Variants in C11orf58 observed in about 807,000 individuals in gnomAD.
C11orf58 encodes small acidic protein.
C11orf58 carries 5 observed loss-of-function variants against 22.7 expected under a neutral mutation model. That is an observed-to-expected ratio of 0.22 (90% CI 0.12 to 0.46). The LOEUF (loss-of-function observed/expected upper bound fraction) is 0.46, where lower values mean the gene tolerates loss of function less well. Among genes scored for constraint, C11orf58 ranks in the 20% least tolerant of loss-of-function variants. The probability of loss-of-function intolerance (pLI) is 0.99; values close to 1 mark genes in which losing one functional copy is unlikely to be tolerated. For synonymous variants in C11orf58, 71 were observed against 70.7 expected (o/e 1.00, Z -0.02); for missense variants, 151 against 223.3 (o/e 0.68, Z 2.06).
rs1753231514 is a variant in C11orf58, at chr11:16,752,779, A to G, written c.209-6A>G. 2 of 1,585,012 alleles carry G rather than the reference A, an allele frequency of 1.3e-6. No homozygotes were observed. The highest frequency in any genetic ancestry group is 1.7e-5 in the Admixed American group (1 of 58,714). ...GAAACATAACTAAAGTATCCTGGAC[A>G]TGCAGGGGAAGAAGACAAGAAAATT... is the stretch of plus-strand genomic sequence containing the variant. On this transcript the variant is annotated splice_region_variant and splice_polypyrimidine_tract_variant and intron_variant, in intron 3 of 4. Transcript: ENST00000228136.
intron 1 of C11orf58, among the ~76,000 whole-genome samples, chr11:16,739,752 G>A (rs1007651661): frequency 1.3e-5 from 2 of 152,166 alleles, no homozygotes; most frequent in South Asian, 2.1e-4. Context: ...GCGCGGAGAG[G>A]TCATCTTTAA....
At position 16,756,400 on chromosome 11, in the gene C11orf58, G is replaced by C. The variant is rs181770449; in HGVS notation, c.*1296G>C. ...TTCTCCTGCCTCAGCCTCCCAAGTA[G>C]TTGGGACTACAGTCATGTGCCACTA... On this transcript the variant is annotated 3_prime_UTR_variant, in exon 5 of 5. Transcript: ENST00000228136. The C allele has an allele frequency of 6.6e-6, 1 of 150,848 alleles. No individual in the cohort carries two copies. The highest frequency in any genetic ancestry group is 2.4e-5 in the African/African-American group (1 of 40,932). 9.3% of individuals were successfully genotyped at this position (150,848 alleles called of 1,614,324 possible).
intron 4 of C11orf58, chr11:16,754,035 AG>A (rs1384952535): frequency 1.7e-5 from 7 of 419,762 alleles, no homozygotes; most frequent in African/African-American, 1.4e-4. Flanking sequence ...CATGCTCACA[AG>A]TTAAGTAAAA....
intron 3 of C11orf58, chr11:16,751,552 CAG>C (rs972091761): frequency 1.3e-5 from 2 of 151,810 alleles, no homozygotes; most frequent in African/African-American, 2.4e-5. Context: ...TCTGTCACCT[CAG>C]GGGAGAACAA....
intron 2 of C11orf58, 166 bp from the exon 3 acceptor site, chr11:16,747,931 T>C: frequency 1.7e-6 from 1 of 582,306 alleles, no homozygotes; most frequent in Admixed American, 3.1e-5. Flanking sequence ...CCCTTCCCCA[T>C]TCCTACCCTT....
chr11:16,753,950 T>C (rs1848553494), intron 4 of C11orf58: 4 of 559,032 alleles, frequency 7.2e-6, no homozygotes, highest in Non-Finnish European at 1.3e-5. Context: ...TCTTTCCGCC[T>C]TCCAAAGTGC....
chr11:16,752,586 A>T (rs1848542070), intron 3 of C11orf58, 199 bp from the exon 4 acceptor site: 3 of 358,770 alleles, frequency 8.4e-6, no homozygotes, highest in African/African-American at 6.3e-5. Flanking sequence ...AGTGCTTAGT[A>T]ATAAATATTT....
At chr11:16,741,859 T>C (rs1004297248) in intron 1 of C11orf58, among the ~76,000 whole-genome samples, 2 of 152,224 alleles carry the variant, frequency 1.3e-5, no homozygotes, top group Non-Finnish European at 2.9e-5. Context: ...AAAGCTTCCA[T>C]TGAGTCTACA....
rs1251728399 is a variant in C11orf58 at position 16,758,185 on chromosome 11, GATCT to G, written c.*3085_*3088del. ...TCTGTAAGTCCTATCTAGGCTTCCTGATCTATCAATTCAGTATCATGATTGTTAA... is the reference window on the plus strand; with the variant it reads ...TCTGTAAGTCCTATCTAGGCTTCCTGATCAATTCAGTATCATGATTGTTAA... On this transcript the variant is annotated 3_prime_UTR_variant, in exon 5 of 5. Transcript: ENST00000228136. Among the ~76,000 whole-genome samples the G allele has an allele frequency of 6.6e-6, 1 of 151,932 alleles. No individual in the cohort carries two copies.
intron 1 of C11orf58, among the ~76,000 whole-genome samples, chr11:16,739,888 A>G (rs994823652): frequency 2.6e-5 from 4 of 152,234 alleles, no homozygotes; most frequent in Non-Finnish European, 5.9e-5. Flanking sequence ...TTAAAAGCCC[A>G]CTGAATACTA....
At chr11:16,747,242 C>T (rs1479061985) in intron 2 of C11orf58, 1 of 152,302 alleles carries the variant, frequency 6.6e-6, no homozygotes, top group Middle Eastern at 3.4e-3. Flanking sequence ...AAGCAATGAG[C>T]ATTAACACTT....
intron 1 of C11orf58, among the ~76,000 whole-genome samples, chr11:16,742,344 G>T (rs1848454773): frequency 6.6e-6 from 1 of 152,184 alleles, no homozygotes; most frequent in Non-Finnish European, 1.5e-5. Context: ...AGTGTCTTAA[G>T]ACAGTCTTTT....
chr11:16,740,064 T>G (rs1848433486), intron 1 of C11orf58, among the ~76,000 whole-genome samples: 1 of 152,212 alleles, frequency 6.6e-6, no homozygotes, highest in African/African-American at 2.4e-5. Context: ...TTATTCTTGC[T>G]CTCTGTTATT....
At chr11:16,740,503 G>T (rs1848438584) in intron 1 of C11orf58, among the ~76,000 whole-genome samples, 1 of 151,964 alleles carries the variant, frequency 6.6e-6, no homozygotes, top group Admixed American at 6.6e-5. Context: ...CCCTGGCTCA[G>T]GTGATCCTCC....
At chr11:16,742,059 T>G (rs1229048097) in intron 1 of C11orf58, among the ~76,000 whole-genome samples, 1 of 152,212 alleles carries the variant, frequency 6.6e-6, no homozygotes, top group African/African-American at 2.4e-5. Flanking sequence ...TTAAGGTCTT[T>G]GAAAAGAAGA....
At chr11:16,748,311 C>T in intron 3 of C11orf58, 154 bp downstream of exon 3, 2 of 577,630 alleles carry the variant, frequency 3.5e-6, no homozygotes, top group Non-Finnish European at 5.9e-6. Context: ...GCCTGTAATC[C>T]CGGTTATTTG....
At chr11:16,751,782 C>T (rs963494029) in intron 3 of C11orf58, 3 of 152,158 alleles carry the variant, frequency 2.0e-5, no homozygotes, top group Admixed American at 6.5e-5. Flanking sequence ...GAAAGAGCCC[C>T]GAACTGGGAA....
intron 1 of C11orf58, 82 bp from the exon 2 acceptor site, chr11:16,744,519 C>T: frequency 8.9e-7 from 1 of 1,121,698 alleles, no homozygotes; most frequent in Non-Finnish European, 1.3e-6. Flanking sequence ...GGGAAAAAAA[C>T]TTGAGAGTTA....
chr11:16,743,633 A>G (rs575412735), intron 1 of C11orf58, among the ~76,000 whole-genome samples: 77 of 152,266 alleles, frequency 5.1e-4, no homozygotes, highest in African/African-American at 1.8e-3. Flanking sequence ...GTGAATTCCC[A>G]TCGGTGTTCA....
Sources: allele counts gnomAD v4.1 joint callset (sites outside exome capture counted in the v4.1 genomes callset), GRCh38; gene constraint gnomAD v4.1.1; transcripts MANE v1.5; gene names NCBI Gene and HGNC (gene_info 2026-07-23, HGNC 2026-07-21).